Variants in CAMK1D observed in about 807,000 individuals in gnomAD.
The protein encoded by CAMK1D is calcium/calmodulin-dependent protein kinase type 1D.
CAMK1D carries 9 observed loss-of-function variants against 47.7 expected under a neutral mutation model. The ratio of observed to expected loss-of-function variants is 0.19; its 90% CI spans 0.11 to 0.33. The LOEUF is 0.33. Among genes scored for constraint, CAMK1D ranks in the 10% least tolerant of loss-of-function variants. The probability of loss-of-function intolerance (pLI) is 1.00; values close to 1 mark genes in which losing one functional copy is unlikely to be tolerated. For missense variants in CAMK1D, 291 were observed against 488.7 expected (o/e 0.60, Z 3.81); for synonymous variants, 184 against 184.9 (o/e 0.99, Z 0.04).
At chr10:12,425,429 G>A (rs12243617) in intron 1 of CAMK1D, among the ~76,000 whole-genome samples, 4,434 of 152,004 alleles carry the variant, frequency 0.029, 70 homozygotes, top group Middle Eastern at 0.051. Context: ...CTATACACGT[G>A]TGCCACCACG....
intron 1 of CAMK1D, among the ~76,000 whole-genome samples, chr10:12,467,806 C>T (rs1013375441): frequency 3.3e-5 from 5 of 152,110 alleles, no homozygotes; most frequent in Admixed American, 2.6e-4. Context: ...AGGATTATCT[C>T]TTGATTGGTC....
At chr10:12,645,182 T>C (rs1400581531) in intron 2 of CAMK1D, among the ~76,000 whole-genome samples, 2 of 150,492 alleles carry the variant, frequency 1.3e-5, no homozygotes, top group African/African-American at 2.5e-5. Flanking sequence ...TCCCACACTT[T>C]GTGCTTGACA....
chr10:12,670,430 T>A lies in CAMK1D; in HGVS notation c.299+3620T>A, dbSNP rs375984722. Among the ~76,000 whole-genome samples the A allele has an allele frequency of 3.9e-3, 594 of 152,290 alleles. 7 individuals are homozygous for A. The highest frequency in any genetic ancestry group is 0.013 in the African/African-American group (548 of 41,560). ...TAGTCCATACTTTGTCAGATACATG[T>A]AATATGAATATTTTCTTCCATTTTG... On this transcript the variant is annotated intron_variant, in intron 3 of 10. Coordinates refer to ENST00000619168, the MANE Select transcript of CAMK1D (RefSeq NM_153498.4).
chr10:12,505,360 C>CA (rs139620383), intron 1 of CAMK1D, among the ~76,000 whole-genome samples: 2,680 of 152,260 alleles, frequency 0.018, 80 homozygotes, highest in African/African-American at 0.061. Flanking sequence ...CTGCAAAACT[C>CA]AGTGTTGGAT....
In CAMK1D at chr10:12,699,104, C is replaced by T. The variant is rs529248547; in HGVS notation, c.299+32294C>T. On this transcript the variant is annotated intron_variant, in intron 3 of 10. Coordinates refer to ENST00000619168, the MANE Select transcript of CAMK1D (RefSeq NM_153498.4). Reference sequence around the variant, plus strand: ...GCCCTTGTGTGATGAGAGGAATGAGCAGGAGCCTTGTTATGGTGGCGAAGG... The same window carrying T: ...GCCCTTGTGTGATGAGAGGAATGAGTAGGAGCCTTGTTATGGTGGCGAAGG... Among the ~76,000 whole-genome samples, 19 of 152,226 alleles carry T rather than the reference C, an allele frequency of 1.2e-4. No individual in the cohort carries two copies. In the East Asian group the frequency reaches 3.1e-3, roughly 25 times the overall value.
At chr10:12,392,381 G>A (rs1838768220) in intron 1 of CAMK1D, among the ~76,000 whole-genome samples, 1 of 151,164 alleles carries the variant, frequency 6.6e-6, no homozygotes, top group African/African-American at 2.4e-5. Context: ...TCTCCCCCCA[G>A]CCCCTGACAC....
chr10:12,565,376 C>T (rs992287496), intron 2 of CAMK1D, among the ~76,000 whole-genome samples: 1 of 152,204 alleles, frequency 6.6e-6, no homozygotes, highest in Non-Finnish European at 1.5e-5. Context: ...GCCTCAGCCT[C>T]CCAAGTAGCT....
intron 1 of CAMK1D, among the ~76,000 whole-genome samples, chr10:12,428,895 G>T (rs1840343152): frequency 6.6e-6 from 1 of 152,196 alleles, no homozygotes; most frequent in Admixed American, 6.5e-5. Context: ...CAAGAAGGTG[G>T]CTGTCCATAC....
At chr10:12,824,824 G>C (rs1018882197) in intron 9 of CAMK1D, among the ~76,000 whole-genome samples, 1 of 152,258 alleles carries the variant, frequency 6.6e-6, no homozygotes. Flanking sequence ...TCTTCACCTT[G>C]CTAGAACTTT....
chr10:12,771,709 G>A (rs1564549731), intron 5 of CAMK1D, among the ~76,000 whole-genome samples: 1 of 152,224 alleles, frequency 6.6e-6, no homozygotes, highest in Non-Finnish European at 1.5e-5. Flanking sequence ...AGAAGGCACA[G>A]AAGAAGAGGT....
intron 2 of CAMK1D, among the ~76,000 whole-genome samples, chr10:12,579,050 C>T (rs918442135): frequency 6.6e-6 from 1 of 151,610 alleles, no homozygotes; most frequent in Non-Finnish European, 1.5e-5. Flanking sequence ...GTGTCTGCTC[C>T]AGGGAAGGGG....
chr10:12,485,844 G>A (rs149764384), intron 1 of CAMK1D, among the ~76,000 whole-genome samples: 29 of 152,294 alleles, frequency 1.9e-4, no homozygotes, highest in African/African-American at 6.3e-4. Context: ...AGCCCTGTGA[G>A]TATGCGTCTG....
At chr10:12,600,538 T>G (rs1236645776) in intron 2 of CAMK1D, among the ~76,000 whole-genome samples, 1 of 152,230 alleles carries the variant, frequency 6.6e-6, no homozygotes, top group Non-Finnish European at 1.5e-5. Context: ...CATTTCACTT[T>G]TCCTTTTTAG....
intron 3 of CAMK1D, among the ~76,000 whole-genome samples, chr10:12,727,405 T>A (rs945031963): frequency 6.6e-6 from 1 of 152,242 alleles, no homozygotes; most frequent in South Asian, 2.1e-4. Flanking sequence ...GAAGCATTTT[T>A]ACTGATAGCA....
chr10:12,666,493 G>A (rs1003167292), intron 2 of CAMK1D, among the ~76,000 whole-genome samples: 1 of 152,278 alleles, frequency 6.6e-6, no homozygotes, highest in East Asian at 1.9e-4. Flanking sequence ...AGCAACAATT[G>A]TTAATCCACT....
At chr10:12,697,973 A>G (rs930387145) in intron 3 of CAMK1D, among the ~76,000 whole-genome samples, 1 of 152,198 alleles carries the variant, frequency 6.6e-6, no homozygotes, top group African/African-American at 2.4e-5. Flanking sequence ...TATGAAGTCC[A>G]TTCAGTTTAC....
intron 1 of CAMK1D, among the ~76,000 whole-genome samples, chr10:12,405,003 G>GCA (rs957254730): frequency 1.3e-5 from 2 of 152,130 alleles, no homozygotes; most frequent in African/African-American, 2.4e-5. Context: ...GTATTTTTGA[G>GCA]CATTAAGTAA....
At chr10:12,654,966 A>G (rs1431430613) in intron 2 of CAMK1D, among the ~76,000 whole-genome samples, 1 of 152,172 alleles carries the variant, frequency 6.6e-6, no homozygotes, top group East Asian at 1.9e-4. Context: ...TCAAATCATA[A>G]TCTCCAAAAA....
At chr10:12,764,436 C>T (rs1276642741) in intron 4 of CAMK1D, among the ~76,000 whole-genome samples, 2 of 148,348 alleles carry the variant, frequency 1.3e-5, no homozygotes, top group East Asian at 4.0e-4. Flanking sequence ...TGATTTAACC[C>T]TCCTTGGGCG....
Sources: allele counts gnomAD v4.1 joint callset (sites outside exome capture counted in the v4.1 genomes callset), GRCh38; gene constraint gnomAD v4.1.1; transcripts MANE v1.5; gene names NCBI Gene and HGNC (gene_info 2026-07-23, HGNC 2026-07-21).